TPX2: variants seen among roughly 807,000 people sequenced by gnomAD.
TPX2 encodes targeting protein for Xklp2.
A neutral mutation model predicts 93.6 loss-of-function variants in TPX2; 21 were observed. The ratio of observed to expected loss-of-function variants is 0.22; its 90% confidence interval spans 0.16 to 0.32. TPX2 has a LOEUF of 0.32. Ranked by LOEUF, TPX2 falls within the 10% of genes least tolerant of loss-of-function variation. The probability of loss-of-function intolerance (pLI) is 1.00; values close to 1 mark genes in which losing one functional copy is unlikely to be tolerated. For missense variants in TPX2, 776 were observed against 871.1 expected, an observed-to-expected ratio of 0.89 and a Z score of 1.37; for synonymous variants, 281 against 298.3, an observed-to-expected ratio of 0.94 and a Z score of 0.60.
chr20:31,768,674 A>T lies in TPX2; in HGVS notation c.357-1669A>T, dbSNP rs547705802. 8.5e-5 allele frequency among the ~76,000 whole-genome samples: 13 copies of T among 152,330 alleles called. No homozygotes were observed. In the East Asian group the frequency reaches 2.5e-3, roughly 29 times the overall value. ...ATGAAAAGCCAACCCCTAGAGTAGGAGAAACTATTTGTAACCCATGAATCC... is the reference window on the plus strand; with the variant it reads ...ATGAAAAGCCAACCCCTAGAGTAGGTGAAACTATTTGTAACCCATGAATCC... On this transcript the variant is annotated intron_variant, in intron 5 of 17. Transcript: ENST00000300403.
At chr20:31,798,576 C>T (rs1269174069) in intron 17 of TPX2, 24 bp downstream of exon 17, 39 of 1,574,652 alleles carry the variant, frequency 2.5e-5, no homozygotes, top group East Asian at 6.8e-5. Flanking sequence ...TGAGCACTGA[C>T]GAACACAAAC....
intron 2 of TPX2, among the ~76,000 whole-genome samples, chr20:31,744,824 G>C (rs542977732): frequency 6.6e-6 from 1 of 152,266 alleles, no homozygotes; most frequent in South Asian, 2.1e-4. Flanking sequence ...GGTGGCTCAC[G>C]CCTGTAATCC....
At chr20:31,755,363 C>T (rs1368814769) in intron 2 of TPX2, among the ~76,000 whole-genome samples, 1 of 151,960 alleles carries the variant, frequency 6.6e-6, no homozygotes, top group Non-Finnish European at 1.5e-5. Flanking sequence ...GGATTACAGG[C>T]ATGAGCCACT....
chr20:31,762,413 G>A (rs2061895504), intron 4 of TPX2, among the ~76,000 whole-genome samples: 1 of 151,986 alleles, frequency 6.6e-6, no homozygotes, highest in African/African-American at 2.4e-5. Flanking sequence ...GCAGTAGTAC[G>A]ATCTCGGCTC....
In TPX2 at chr20:31,798,476, C is replaced by T. The variant is rs1600397332; in HGVS notation, c.2057C>T (p.Ala686Val). The change falls in exon 17 of 18, where the codon GCC becomes GTC. Residue 686 changes from alanine to valine, a missense_variant. This residue lies in a region of TPX2 where 461 missense variants were observed against 551.2 expected (regional missense o/e 0.84). Coordinates refer to ENST00000300403, the MANE Select transcript of TPX2 (RefSeq NM_012112.5). The stretch of plus-strand genomic sequence containing the variant: ...ATGGCTGAGGTAGAAGCCCAGAAAG[C>T]CCAGCAGTTGGAGGAGGCCAGACTA... ...KRMAEVEAQK[A>V]QQLEEARLQE... The T allele has an allele frequency of 6.2e-7, 1 of 1,613,640 alleles. No individual in the cohort carries two copies. Among genetic ancestry groups the T allele is most frequent in the Non-Finnish European group, 8.5e-7 (1 of 1,180,008 alleles).
chr20:31,786,880 C>T (rs192879232), intron 12 of TPX2, among the ~76,000 whole-genome samples: 1 of 152,254 alleles, frequency 6.6e-6, no homozygotes, highest in East Asian at 1.9e-4. Context: ...GTAAACAGAT[C>T]TGCAAAGCAC....
chr20:31,742,928 T>C (rs2061761510), intron 2 of TPX2, among the ~76,000 whole-genome samples: 1 of 152,164 alleles, frequency 6.6e-6, no homozygotes, highest in Non-Finnish European at 1.5e-5. Flanking sequence ...AAAATTCTCA[T>C]ATGCGGCCGG....
rs759902858 is a variant in TPX2 at position 31,770,391 on chromosome 20, G to A, written c.405G>A (p.Lys135=). ...SAQKDLEQKE[K]HHVKMKAKRC... Reference sequence around the variant, plus strand: ...AGAAGGATTTGGAACAGAAAGAAAAGCATCATGTAAAAATGAAAGCCAAGA... The same window carrying A: ...AGAAGGATTTGGAACAGAAAGAAAAACATCATGTAAAAATGAAAGCCAAGA... Residue 135 remains lysine, a synonymous_variant, in exon 6 of 18, where the codon AAG becomes AAA. Coordinates refer to ENST00000300403, the MANE Select transcript of TPX2 (RefSeq NM_012112.5). 9 of 1,606,014 alleles carry A rather than the reference G, an allele frequency of 5.6e-6. No homozygotes were observed. Among genetic ancestry groups the A allele is most frequent in the Non-Finnish European group, 7.7e-6 (9 of 1,175,732 alleles).
rs568317108 is a variant in TPX2, at chr20:31,797,252, T to C, written c.1834-152T>C. The C allele has an allele frequency of 1.4e-5, 9 of 649,170 alleles. No homozygotes were observed. In the South Asian group the frequency reaches 1.8e-4, roughly 13 times the overall value. 40.2% of individuals were successfully genotyped at this position (649,170 alleles called of 1,614,324 possible). A position where few individuals can be genotyped will look rare whatever the true frequency, so the allele number is the denominator to read the frequency against. On this transcript the variant is annotated intron_variant, in intron 15 of 17. Transcript: ENST00000300403. ...AATGTTGTCAGACTGATCTGTTCAT[T>C]GTAAAGTTTGTGTGAAAGATTTTTA...
chr20:31,791,951 T>C (rs1016276758), intron 12 of TPX2, among the ~76,000 whole-genome samples: 1 of 152,244 alleles, frequency 6.6e-6, no homozygotes, highest in African/African-American at 2.4e-5. Flanking sequence ...CAAAAAATGC[T>C]GTGGAACAAC....
intron 2 of TPX2, among the ~76,000 whole-genome samples, chr20:31,755,338 CCT>C (rs2061845314): frequency 6.6e-6 from 1 of 151,750 alleles, no homozygotes; most frequent in South Asian, 2.1e-4. Flanking sequence ...TCCGCCCTGG[CCT>C]CTCAAAGTGC....
rs781358617 is a variant in TPX2 at position 31,760,061 on chromosome 20, G to A, written c.111G>A (p.Glu37=). ...DTQNIDSWFE[E]KANLENKLLG... is the part of the protein sequence containing the mutation. Reference sequence around the variant, plus strand: ...GATGATCTTCCCTTTTCACAGAGGAGAAGGCCAATTTGGAGAATAAGTTAC... The same window carrying A: ...GATGATCTTCCCTTTTCACAGAGGAAAAGGCCAATTTGGAGAATAAGTTAC... The change falls in exon 4 of 18, where the codon GAG becomes GAA. Residue 37 remains glutamate, a synonymous_variant. Transcript: ENST00000300403. The A allele has an allele frequency of 2.5e-6, 4 of 1,613,480 alleles. No homozygotes were observed. The highest frequency in any genetic ancestry group is 1.1e-5 in the South Asian group (1 of 90,988).
chr20:31,769,205 TAATA>T (rs1051417072), intron 5 of TPX2, among the ~76,000 whole-genome samples: 1 of 132,082 alleles, frequency 7.6e-6, no homozygotes, highest in African/African-American at 3.2e-5. Flanking sequence ...TAAAGTATAA[TAATA>T]AAAAAAAAAA....
chr20:31,751,859 C>T (rs2061822134), intron 2 of TPX2, among the ~76,000 whole-genome samples: 1 of 152,226 alleles, frequency 6.6e-6, no homozygotes, highest in Non-Finnish European at 1.5e-5. Context: ...TCTCCTGCCT[C>T]AGCCTCCCGA....
intron 7 of TPX2, among the ~76,000 whole-genome samples, chr20:31,773,476 G>C (rs909802615): frequency 1.6e-4 from 24 of 151,304 alleles, no homozygotes; most frequent in Admixed American, 1.3e-3. Flanking sequence ...ATTTTTAGTA[G>C]AGATGGGGTT....
At chr20:31,769,910 G>C (rs1332100436) in intron 5 of TPX2, among the ~76,000 whole-genome samples, 1 of 152,014 alleles carries the variant, frequency 6.6e-6, no homozygotes, top group Non-Finnish European at 1.5e-5. Context: ...TGATTCTTCC[G>C]CCCCAGCTTC....
intron 15 of TPX2, among the ~76,000 whole-genome samples, chr20:31,796,363 CTT>C (rs1420385455): frequency 6.6e-6 from 1 of 152,128 alleles, no homozygotes; most frequent in Non-Finnish European, 1.5e-5. Flanking sequence ...AATATAAAGA[CTT>C]ATAACCACAA....
intron 2 of TPX2, among the ~76,000 whole-genome samples, chr20:31,743,306 A>G (rs1262800427): frequency 6.6e-6 from 1 of 152,192 alleles, no homozygotes; most frequent in Non-Finnish European, 1.5e-5. Flanking sequence ...ACTTTAAATT[A>G]TCTCTAGATT....
intron 2 of TPX2, among the ~76,000 whole-genome samples, chr20:31,743,363 T>C (rs1414125233): frequency 6.6e-6 from 1 of 152,194 alleles, no homozygotes; most frequent in Non-Finnish European, 1.5e-5. Flanking sequence ...ATAGTTGTTA[T>C]ACTGTATTGT....
Sources: allele counts gnomAD v4.1 joint callset (sites outside exome capture counted in the v4.1 genomes callset), GRCh38; gene constraint gnomAD v4.1.1; regional missense constraint gnomAD v4.1.1; transcripts MANE v1.5; gene names NCBI Gene and HGNC (gene_info 2026-07-23, HGNC 2026-07-21).